The following CACNB4 variants were observed in gnomAD, a reference collection of about 807,000 sequenced individuals.
CACNB4 encodes the protein voltage-dependent L-type calcium channel subunit beta-4.
In CACNB4, 32 loss-of-function variants were observed where a neutral mutation model predicts 71.2. The ratio of observed to expected loss-of-function variants is 0.45; its 90% confidence interval spans 0.34 to 0.60. The LOEUF is 0.60. Ranked by LOEUF, CACNB4 falls within the 20% of genes least tolerant of loss-of-function variation. The pLI, the probability that CACNB4 is intolerant of heterozygous loss-of-function variation, is 0.01. For missense variants in CACNB4, 464 were observed against 647.9 expected, an observed-to-expected ratio of 0.72 and a Z score of 3.08; for synonymous variants, 231 against 236.9, an observed-to-expected ratio of 0.97 and a Z score of 0.23.
chr2:151,979,934 C>A (rs1008437154), intron 2 of CACNB4, among the ~76,000 whole-genome samples: 1 of 152,170 alleles, frequency 6.6e-6, no homozygotes, highest in East Asian at 1.9e-4. Flanking sequence ...TGGAGCAGGG[C>A]AGAAATAAAT....
intron 2 of CACNB4, among the ~76,000 whole-genome samples, chr2:152,018,281 G>A (rs1683460149): frequency 1.3e-5 from 2 of 152,158 alleles, no homozygotes; most frequent in Non-Finnish European, 2.9e-5. Context: ...GTAGAAAAGG[G>A]AGGGAGGAGG....
chr2:151,849,300 T>TG (rs1216875845), intron 12 of CACNB4, among the ~76,000 whole-genome samples: 1 of 152,160 alleles, frequency 6.6e-6, no homozygotes, highest in Non-Finnish European at 1.5e-5. Context: ...TCTCACTCTG[T>TG]CGGGTAGAGT....
At chr2:151,994,746 G>C (rs567122814) in intron 2 of CACNB4, among the ~76,000 whole-genome samples, 1 of 152,272 alleles carries the variant, frequency 6.6e-6, no homozygotes, top group Admixed American at 6.5e-5. Context: ...CATCATTTAG[G>C]CCAGGTTTTC....
At chr2:151,890,615 A>AT (rs1215305344) in intron 2 of CACNB4, among the ~76,000 whole-genome samples, 1 of 152,214 alleles carries the variant, frequency 6.6e-6, no homozygotes, top group East Asian at 1.9e-4. Context: ...ACTTACATTA[A>AT]AACATCAAAC....
chr2:151,842,464 G>A (rs2099836473), intron 12 of CACNB4, among the ~76,000 whole-genome samples: 1 of 151,516 alleles, frequency 6.6e-6, no homozygotes, highest in Non-Finnish European at 1.5e-5. Context: ...CCAAGTAGCT[G>A]GGATTACAGG....
chr2:152,096,415 C>T (rs1338119514), intron 2 of CACNB4, among the ~76,000 whole-genome samples: 1 of 152,118 alleles, frequency 6.6e-6, no homozygotes, highest in East Asian at 1.9e-4. Flanking sequence ...ACCCAGGAGG[C>T]AGAGCTTGCA....
chr2:152,050,113 A>G (rs1685343572), intron 2 of CACNB4, among the ~76,000 whole-genome samples: 1 of 152,240 alleles, frequency 6.6e-6, no homozygotes, highest in African/African-American at 2.4e-5. Flanking sequence ...TTTGTGAAAT[A>G]CCATTATCAC....
At chr2:151,890,450 T>C (rs888802625) in intron 2 of CACNB4, among the ~76,000 whole-genome samples, 1 of 152,178 alleles carries the variant, frequency 6.6e-6, no homozygotes, top group Non-Finnish European at 1.5e-5. Flanking sequence ...TAAGTTATGA[T>C]TATCCACCCT....
At chr2:151,929,428 T>TAAAAACCAGAG (rs1230584339) in intron 2 of CACNB4, among the ~76,000 whole-genome samples, 2 of 152,224 alleles carry the variant, frequency 1.3e-5, no homozygotes, top group African/African-American at 4.8e-5. Flanking sequence ...TAAAAAACTC[T>TAAAAACCAGAG]GGTCATAATA....
chr2:151,971,522 T>A (rs750053088), intron 2 of CACNB4: 3 of 702,872 alleles, frequency 4.3e-6, no homozygotes, highest in Non-Finnish European at 7.8e-6. Context: ...TCTGCTTCCA[T>A]CTGGACAACC....
chr2:152,026,835 C>T (rs1382114139), intron 2 of CACNB4, among the ~76,000 whole-genome samples: 1 of 152,178 alleles, frequency 6.6e-6, no homozygotes, highest in African/African-American at 2.4e-5. Flanking sequence ...CCAATGGTAT[C>T]CATATTGTTA....
chr2:152,069,636 A>G (rs1686557036), intron 2 of CACNB4, among the ~76,000 whole-genome samples: 1 of 151,746 alleles, frequency 6.6e-6, no homozygotes, highest in African/African-American at 2.4e-5. Context: ...TGGAAAAATG[A>G]GGTGAAAAAG....
At chr2:151,969,191 T>C (rs2099871905) in intron 2 of CACNB4, 1 of 152,222 alleles carries the variant, frequency 6.6e-6, no homozygotes, top group Non-Finnish European at 1.5e-5. Flanking sequence ...CATCCAGTCC[T>C]TGGATTCTCT....
At chr2:151,989,129 T>G (rs1051060755) in intron 2 of CACNB4, among the ~76,000 whole-genome samples, 1 of 152,238 alleles carries the variant, frequency 6.6e-6, no homozygotes, top group Non-Finnish European at 1.5e-5. Context: ...TCCCAATTTC[T>G]CTGGCCTCAG....
Position 152,098,282 on chromosome 2 carries a change from G to A in CACNB4, c.147+48C>T, listed in dbSNP as rs1387109465. On this transcript the variant is annotated intron_variant, in intron 2 of 13. Coordinates refer to ENST00000539935, the MANE Select transcript of CACNB4 (RefSeq NM_000726.5). This position sits in a 1 kb window ranked among gnomAD's most constrained non-coding sequence, Gnocchi z 5.3. Reference sequence around the variant, plus strand: ...CGGCCGGCTCCAGGACCCCCGCGCCGCGCGCTCGGCCTCCTCCCCATCCTG... The same window carrying A: ...CGGCCGGCTCCAGGACCCCCGCGCCACGCGCTCGGCCTCCTCCCCATCCTG... 1.3e-6 allele frequency: 2 copies of A among 1,492,516 alleles called. No individual in the cohort carries two copies. Among genetic ancestry groups the A allele is most frequent in the Non-Finnish European group, 1.9e-6 (2 of 1,070,650 alleles). 92.5% of individuals were successfully genotyped at this position (1,492,516 alleles called of 1,614,324 possible).
chr2:152,063,609 G>T (rs1238002367), intron 2 of CACNB4, among the ~76,000 whole-genome samples: 1 of 152,170 alleles, frequency 6.6e-6, no homozygotes, highest in African/African-American at 2.4e-5. Flanking sequence ...AGAGTTTTCT[G>T]CATATTACAT....
At chr2:151,882,577 A>T (rs1257544069) in intron 3 of CACNB4, among the ~76,000 whole-genome samples, 1 of 152,056 alleles carries the variant, frequency 6.6e-6, no homozygotes, top group Admixed American at 6.5e-5. Context: ...AAAAATCAAA[A>T]AGCAAACAAA....
At chr2:152,039,356 C>T (rs1160783961) in intron 2 of CACNB4, among the ~76,000 whole-genome samples, 2 of 150,522 alleles carry the variant, frequency 1.3e-5, no homozygotes, top group Non-Finnish European at 2.9e-5. Flanking sequence ...GCGGAGGTTG[C>T]AGTGAGCTGA....
rs2099848458 is a variant in CACNB4, at chr2:151,883,321, A to G, written c.197T>C (p.Leu66Ser). The G allele has an allele frequency of 1.2e-6, 2 of 1,613,754 alleles. No homozygotes were observed. Among genetic ancestry groups the G allele is most frequent in the Non-Finnish European group, 1.7e-6 (2 of 1,179,776 alleles). Residue 66 changes from leucine to serine, a missense_variant, in exon 3 of 14, where the codon TTG becomes TCG. Physicochemically the swap from Leu to Ser is moderately radical, Grantham distance 145. Coordinates refer to ENST00000539935, the MANE Select transcript of CACNB4 (RefSeq NM_000726.5). ...TCGAATTGCTTCCCGGTCCTCTTCC[A>G]AAGAGACATCGGAGTCAGACGGCCT... ...TSRPSDSDVS[L>S]EEDREAIRQE...
Sources: allele counts gnomAD v4.1 joint callset (sites outside exome capture counted in the v4.1 genomes callset), GRCh38; gene constraint gnomAD v4.1.1; non-coding constraint Gnocchi (gnomAD v3.1); transcripts MANE v1.5; gene names NCBI Gene and HGNC (gene_info 2026-07-23, HGNC 2026-07-21).